Variants in TRPC3 observed in about 807,000 individuals in gnomAD.
TRPC3 encodes the protein short transient receptor potential channel 3.
A neutral mutation model predicts 90.9 loss-of-function variants in TRPC3; 54 were observed. The observed-to-expected ratio is 0.59, with a 90% CI of 0.48 to 0.75. The LOEUF is 0.75. Among genes scored for constraint, TRPC3 ranks in the 30% least tolerant of loss-of-function variants. TRPC3 has a pLI of 0.00. For synonymous variants in TRPC3, 424 were observed against 450.9 expected, an observed-to-expected ratio of 0.94 and a Z score of 0.75; for missense variants, 918 against 1,194.5, an observed-to-expected ratio of 0.77 and a Z score of 3.41.
intron 2 of TRPC3, among the ~76,000 whole-genome samples, chr4:121,930,266 T>C (rs1015164989): frequency 6.6e-6 from 1 of 152,214 alleles, no homozygotes; most frequent in Non-Finnish European, 1.5e-5. Context: ...ACACAAGCAC[T>C]TTCCATATAA....
In TRPC3 at chr4:121,932,977, G is replaced by A. The variant is rs911188079; in HGVS notation, c.281C>T (p.Ala94Val). The A allele has an allele frequency of 6.2e-7, 1 of 1,611,060 alleles. No individual in the cohort carries two copies. Among genetic ancestry groups the A allele is most frequent in the Non-Finnish European group, 8.5e-7 (1 of 1,178,150 alleles). ...TVMREKGRRQAVRGPAFMFND... is the reference protein window; with the variant it reads ...TVMREKGRRQVVRGPAFMFND... ...GAACATGAAGGCCGGGCCCCTGACA[G>A]CCTGGCGCCGGCCCTTCTCCCGCAT... Residue 94 changes from alanine (A) to valine (V), a missense_variant, in exon 2 of 12, where the codon GCT becomes GTT. Coordinates refer to ENST00000379645, the MANE Select transcript of TRPC3 (RefSeq NM_001130698.2). The surrounding 1 kb of genome is among the most constrained non-coding windows in gnomAD (Gnocchi z 7.7).
At chr4:121,889,609 A>G (rs943819681) in intron 10 of TRPC3, among the ~76,000 whole-genome samples, 2 of 152,144 alleles carry the variant, frequency 1.3e-5, no homozygotes, top group Non-Finnish European at 2.9e-5. Flanking sequence ...AAGAGAACTC[A>G]TATACTATTG....
intron 1 of TRPC3, chr4:121,950,637 T>A (rs537390885): frequency 1.3e-5 from 2 of 152,198 alleles, no homozygotes; most frequent in Non-Finnish European, 2.9e-5. Flanking sequence ...CTCTTTCTCA[T>A]GCATTAGCGC....
chr4:121,924,887 C>A (rs1729649180), intron 3 of TRPC3, 131 bp downstream of exon 3: 31 of 1,006,996 alleles, frequency 3.1e-5, no homozygotes, highest in Non-Finnish European at 3.9e-5. Context: ...TTTGTACAGA[C>A]ACAGTCTCAT....
chr4:121,901,284 T>G (rs1036164509), intron 9 of TRPC3, among the ~76,000 whole-genome samples: 43 of 152,304 alleles, frequency 2.8e-4, no homozygotes, highest in African/African-American at 1.0e-3. Context: ...CTGCCCAGGA[T>G]GACAACTAGA....
chr4:121,930,177 G>A (rs910421024), intron 2 of TRPC3, among the ~76,000 whole-genome samples: 1 of 152,130 alleles, frequency 6.6e-6, no homozygotes. Context: ...TTGAGTTAGG[G>A]GAGAGAGACA....
At chr4:121,950,641 T>G (rs1168235698) in intron 1 of TRPC3, 1 of 152,204 alleles carries the variant, frequency 6.6e-6, no homozygotes, top group African/African-American at 2.4e-5. Flanking sequence ...TTCTCATGCA[T>G]TAGCGCGCCG....
At chr4:121,912,210 G>C in intron 4 of TRPC3, 117 bp from the exon 5 acceptor site, 2 of 840,732 alleles carry the variant, frequency 2.4e-6, no homozygotes, top group South Asian at 4.2e-5. Context: ...TTCTGCTTCT[G>C]TTTCCAAAAA....
chr4:121,944,862 C>A (rs1266753605), intron 1 of TRPC3, among the ~76,000 whole-genome samples: 1 of 152,068 alleles, frequency 6.6e-6, no homozygotes, highest in Non-Finnish European at 1.5e-5. Flanking sequence ...TTTAAAATTT[C>A]TTTGAGGAAG....
intron 10 of TRPC3, among the ~76,000 whole-genome samples, chr4:121,887,336 T>G (rs1728158686): frequency 1.3e-5 from 2 of 152,218 alleles, no homozygotes; most frequent in African/African-American, 4.8e-5. Flanking sequence ...TTCCTTTCCT[T>G]CCTCCTAACC....
At chr4:121,925,656 C>T (rs1233269521) in intron 2 of TRPC3, among the ~76,000 whole-genome samples, 1 of 152,130 alleles carries the variant, frequency 6.6e-6, no homozygotes, top group Non-Finnish European at 1.5e-5. Flanking sequence ...TAATACTGTA[C>T]TATATACTTC....
At chr4:121,916,461 T>C (rs1276333883) in intron 3 of TRPC3, among the ~76,000 whole-genome samples, 3 of 152,108 alleles carry the variant, frequency 2.0e-5, no homozygotes, top group Non-Finnish European at 4.4e-5. Flanking sequence ...AACTGAGTTA[T>C]TATGTTGAGA....
intron 10 of TRPC3, among the ~76,000 whole-genome samples, chr4:121,897,771 C>T (rs1381629494): frequency 6.6e-6 from 1 of 152,034 alleles, no homozygotes; most frequent in South Asian, 2.1e-4. Flanking sequence ...ACAAATAGAG[C>T]TACCATATGA....
Position 121,951,560 on chromosome 4 carries a change from T to A in TRPC3, c.121A>T (p.Arg41Trp). Reference protein sequence around the residue: ...AEPQRRRRGWRGVNGGLEPRS... With the variant: ...AEPQRRRRGWWGVNGGLEPRS... ...GGCTCCAGCCCCCCGTTGACGCCCC[T>A]CCAGCCCCGGCGGCGGCGCTGCGGC... Residue 41 changes from arginine (R) to tryptophan (W), a missense_variant, in exon 1 of 12, where the codon AGG becomes TGG. Arg to Trp is a moderately radical substitution (Grantham distance 101, BLOSUM62 -3). Coordinates refer to ENST00000379645, the MANE Select transcript of TRPC3 (RefSeq NM_001130698.2). The surrounding 1 kb of genome is among the most constrained non-coding windows in gnomAD (Gnocchi z 4.4). 5.5e-6 allele frequency: 8 copies of A among 1,444,624 alleles called. No homozygotes were observed. Among genetic ancestry groups the A allele is most frequent in the South Asian group, 1.4e-5 (1 of 69,966 alleles). The allele number at this position is 1,444,624 out of a possible 1,614,324, so 89.5% of individuals were successfully genotyped here.
intron 3 of TRPC3, among the ~76,000 whole-genome samples, chr4:121,916,718 A>AT (rs34897041): frequency 0.29 from 42,390 of 148,596 alleles, 6,233 homozygotes; most frequent in East Asian, 0.39. Context: ...GTAAGAAATA[A>AT]TTTTTTTTTT....
At chr4:121,920,682 C>T (rs1389707120) in intron 3 of TRPC3, among the ~76,000 whole-genome samples, 4 of 152,114 alleles carry the variant, frequency 2.6e-5, no homozygotes, top group Non-Finnish European at 5.9e-5. Context: ...GGTATTTGTA[C>T]ATTAGTATAC....
intron 3 of TRPC3, 54 bp from the exon 4 acceptor site, chr4:121,914,998 A>G (rs1322718765): frequency 1.4e-6 from 2 of 1,470,140 alleles, no homozygotes; most frequent in African/African-American, 2.8e-5. Context: ...TTACCATACC[A>G]TTGTCAATAG....
intron 1 of TRPC3, among the ~76,000 whole-genome samples, chr4:121,949,892 C>T (rs992867591): frequency 6.6e-6 from 1 of 152,154 alleles, no homozygotes; most frequent in African/African-American, 2.4e-5. Flanking sequence ...AATCTCTGCT[C>T]CGCCCTACTT....
chr4:121,918,105 G>A (rs998328005), intron 3 of TRPC3, among the ~76,000 whole-genome samples: 1 of 152,096 alleles, frequency 6.6e-6, no homozygotes, highest in African/African-American at 2.4e-5. Flanking sequence ...GTATTAAGAC[G>A]CCTATAAAAA....
Sources: gnomAD v4.1 joint callset for allele counts (sites outside exome capture counted in the v4.1 genomes callset) on GRCh38, gnomAD v4.1.1 for gene constraint, Gnocchi (gnomAD v3.1) non-coding constraint, MANE v1.5 for transcripts, NCBI Gene and HGNC (gene_info 2026-07-23, HGNC 2026-07-21) for gene names.